Variants in RBFOX1 observed in about 807,000 individuals in gnomAD.
RBFOX1 encodes the protein RNA binding fox-1 homolog 1.
Under a neutral mutation model 57.7 loss-of-function variants are expected in RBFOX1, and 8 were observed. The ratio of observed to expected loss-of-function variants is 0.14; its 90% CI spans 0.08 to 0.25. RBFOX1 has a LOEUF of 0.25. Among genes scored for constraint, RBFOX1 ranks in the 10% least tolerant of loss-of-function variants. The probability of loss-of-function intolerance (pLI) is 1.00; values close to 1 mark genes in which losing one functional copy is unlikely to be tolerated. For synonymous variants in RBFOX1, 326 were observed against 222.4 expected (o/e 1.47, Z -4.15); for missense variants, 611 against 548.5 (o/e 1.11, Z -1.14).
At chr16:6,783,935 T>C (rs185362802) in intron 3 of RBFOX1, among the ~76,000 whole-genome samples, 11 of 152,300 alleles carry the variant, frequency 7.2e-5, no homozygotes, top group African/African-American at 2.6e-4. Flanking sequence ...TGAAAGTCTT[T>C]TTGTTCAGCA....
intron 1 of RBFOX1, among the ~76,000 whole-genome samples, chr16:6,069,378 A>G (rs886498688): frequency 2.7e-5 from 4 of 146,822 alleles, no homozygotes; most frequent in Admixed American, 1.4e-4. Context: ...AGCCTGGGCA[A>G]CAAGAGCGAA....
chr16:7,249,565 A>G (rs1483064790), intron 4 of RBFOX1, among the ~76,000 whole-genome samples: 1 of 151,518 alleles, frequency 6.6e-6, no homozygotes, highest in Non-Finnish European at 1.5e-5. Context: ...ATAGCTATAT[A>G]TTATGAAAAT....
intron 2 of RBFOX1, among the ~76,000 whole-genome samples, chr16:6,637,368 A>T (rs183157057): frequency 0.21 from 3,172 of 15,066 alleles, 301 homozygotes; most frequent in Middle Eastern, 0.5. Flanking sequence ...AATATATATA[A>T]TATATAATAT....
At chr16:5,831,597 C>T (rs894029667) in intron 3 of RBFOX1, among the ~76,000 whole-genome samples, 2 of 151,864 alleles carry the variant, frequency 1.3e-5, no homozygotes, top group African/African-American at 2.4e-5. Context: ...TCAAGCAATT[C>T]TCCTGCTGTA....
At chr16:5,932,623 G>C (rs886947743) in intron 4 of RBFOX1, among the ~76,000 whole-genome samples, 1 of 152,146 alleles carries the variant, frequency 6.6e-6, no homozygotes, top group African/African-American at 2.4e-5. Context: ...TAAGTAAAAG[G>C]AACAAAATTA....
intron 3 of RBFOX1, among the ~76,000 whole-genome samples, chr16:6,833,134 A>T (rs1234188481): frequency 6.6e-6 from 1 of 150,664 alleles, no homozygotes; most frequent in Non-Finnish European, 1.5e-5. Context: ...CTTTTTTTTC[A>T]AGTCTTGTAT....
chr16:7,279,280 A>G (rs1179416230), intron 4 of RBFOX1, among the ~76,000 whole-genome samples: 2 of 152,160 alleles, frequency 1.3e-5, no homozygotes, highest in African/African-American at 2.4e-5. Context: ...GCAAAGTGGT[A>G]CAGTGTCTCT....
intron 3 of RBFOX1, among the ~76,000 whole-genome samples, chr16:6,666,597 G>C (rs2098734585): frequency 6.6e-6 from 1 of 151,606 alleles, no homozygotes; most frequent in African/African-American, 2.4e-5. Flanking sequence ...GGTAACTGTG[G>C]AGGTGGGATT....
At chr16:5,388,966 C>A (rs9673394) in intron 1 of RBFOX1, among the ~76,000 whole-genome samples, 6 of 151,474 alleles carry the variant, frequency 4.0e-5, no homozygotes, top group African/African-American at 1.2e-4. Flanking sequence ...CCGAGGTGGG[C>A]AGATCACGAG....
At chr16:6,965,431 G>A (rs1452585699) in intron 3 of RBFOX1, among the ~76,000 whole-genome samples, 2 of 151,724 alleles carry the variant, frequency 1.3e-5, no homozygotes, top group Non-Finnish European at 2.9e-5. Flanking sequence ...CAGCCTCCCG[G>A]GTTCAATTGA....
intron 3 of RBFOX1, among the ~76,000 whole-genome samples, chr16:6,743,934 C>T (rs1383199638): frequency 2.6e-5 from 4 of 151,004 alleles, no homozygotes; most frequent in Non-Finnish European, 4.4e-5. Flanking sequence ...AATGATTTTC[C>T]AGTTTTTCAT....
chr16:6,679,164 C>T (rs935479104), intron 3 of RBFOX1, among the ~76,000 whole-genome samples: 1 of 152,098 alleles, frequency 6.6e-6, no homozygotes. Flanking sequence ...GTGTTCCACC[C>T]ATTCAGTCTG....
At position 6,211,087 on chromosome 16, in the gene RBFOX1, A is replaced by G. The variant is rs929108857; in HGVS notation, c.-126-105908A>G. On this transcript the variant is annotated intron_variant, in intron 1 of 15. Transcript: ENST00000550418. Reference sequence around the variant, plus strand: ...CTACTGATGGAAAACATCAAGAAAGATCTTAGACCCTTACTCCAGGGGATG... The same window carrying G: ...CTACTGATGGAAAACATCAAGAAAGGTCTTAGACCCTTACTCCAGGGGATG... Among the ~76,000 whole-genome samples, 3 of 150,980 alleles carry G rather than the reference A, an allele frequency of 2.0e-5. No individual in the cohort carries two copies. In the Admixed American group the frequency reaches 2.0e-4, roughly 10 times the overall value.
At chr16:6,498,015 G>A (rs2095819082) in intron 2 of RBFOX1, among the ~76,000 whole-genome samples, 1 of 152,080 alleles carries the variant, frequency 6.6e-6, no homozygotes, top group African/African-American at 2.4e-5. Context: ...TTGGGAGGCT[G>A]AGGCGGGTGG....
chr16:6,803,343 A>G (rs1329889950), intron 3 of RBFOX1, among the ~76,000 whole-genome samples: 2 of 152,184 alleles, frequency 1.3e-5, no homozygotes, highest in Non-Finnish European at 2.9e-5. Context: ...CTACAGCAGA[A>G]GTGTTGCCTC....
chr16:7,031,348 C>T (rs1180402157), intron 3 of RBFOX1, among the ~76,000 whole-genome samples: 1 of 152,106 alleles, frequency 6.6e-6, no homozygotes. Context: ...GTAATCTCAG[C>T]ACTTTGGGAG....
intron 1 of RBFOX1, among the ~76,000 whole-genome samples, chr16:6,093,787 C>G (rs2096209504): frequency 6.7e-6 from 1 of 150,092 alleles, no homozygotes; most frequent in East Asian, 2.0e-4. Context: ...ATGCCCCACT[C>G]ATTTTTTTTT....
intron 1 of RBFOX1, among the ~76,000 whole-genome samples, chr16:6,249,409 C>T (rs1366437061): frequency 6.6e-6 from 1 of 152,114 alleles, no homozygotes; most frequent in Non-Finnish European, 1.5e-5. Context: ...CCTGTAATCC[C>T]AGCTACTCGG....
intron 3 of RBFOX1, among the ~76,000 whole-genome samples, chr16:5,617,321 A>C (rs905758370): frequency 1.3e-5 from 2 of 152,118 alleles, no homozygotes; most frequent in Non-Finnish European, 2.9e-5. Flanking sequence ...GCCTGTGAGC[A>C]CTTATTCCTG....
Sources: gnomAD v4.1 joint callset for allele counts (sites outside exome capture counted in the v4.1 genomes callset) on GRCh38, gnomAD v4.1.1 for gene constraint, MANE v1.5 for transcripts, NCBI Gene and HGNC (gene_info 2026-07-23, HGNC 2026-07-21) for gene names.